The following IPCEF1 variants were observed in gnomAD, a reference collection of about 807,000 sequenced individuals.
IPCEF1 encodes interactor protein for cytohesin exchange factors 1.
In IPCEF1, 31 loss-of-function variants were observed where a neutral mutation model predicts 50.9. The ratio of observed to expected loss-of-function variants is 0.61; its 90% confidence interval spans 0.46 to 0.82. The LOEUF is 0.82. IPCEF1 is among the 40% of genes least tolerant of loss of function. The pLI, the probability that IPCEF1 is intolerant of heterozygous loss-of-function variation, is 0.00. For synonymous variants in IPCEF1, 181 were observed against 192.0 expected, an observed-to-expected ratio of 0.94 and a Z score of 0.47; for missense variants, 458 against 514.0, an observed-to-expected ratio of 0.89 and a Z score of 1.05.
intron 3 of IPCEF1, among the ~76,000 whole-genome samples, chr6:154,254,018 C>A (rs190430435): frequency 6.6e-6 from 1 of 151,890 alleles, no homozygotes; most frequent in African/African-American, 2.4e-5. Flanking sequence ...TTACTTGTAT[C>A]GCCTTGTTTT....
At chr6:154,214,503 A>C (rs1778227915) in intron 7 of IPCEF1, among the ~76,000 whole-genome samples, 1 of 152,236 alleles carries the variant, frequency 6.6e-6, no homozygotes, top group Non-Finnish European at 1.5e-5. Flanking sequence ...CCCATTACTC[A>C]GTTGGTTCAT....
Position 154,220,455 on chromosome 6 carries a change from G to A in IPCEF1, c.392+802C>T, listed in dbSNP as rs567436011. Among the ~76,000 whole-genome samples the A allele has an allele frequency of 4.6e-5, 7 of 152,182 alleles. No homozygotes were observed. In the East Asian group the frequency reaches 5.8e-4, roughly 13 times the overall value. On this transcript the variant is annotated intron_variant, in intron 7 of 11. Coordinates refer to ENST00000367220, the MANE Select transcript of IPCEF1 (RefSeq NM_001130700.2). ...GTGGATCACTTGAGGTCAGGAGTTCGAGACCAGCCTGGCCAACATGGTGAA... is the reference window on the plus strand; with the variant it reads ...GTGGATCACTTGAGGTCAGGAGTTCAAGACCAGCCTGGCCAACATGGTGAA...
chr6:154,267,418 A>G (rs929778589), intron 2 of IPCEF1, among the ~76,000 whole-genome samples: 3 of 152,188 alleles, frequency 2.0e-5, no homozygotes, highest in Non-Finnish European at 2.9e-5. Context: ...ATGGAAGTCA[A>G]TTTGGGTGGA....
chr6:154,212,094 T>C (rs1057123022), intron 9 of IPCEF1, among the ~76,000 whole-genome samples: 15 of 152,232 alleles, frequency 9.9e-5, no homozygotes, highest in African/African-American at 3.6e-4. Context: ...TCCTAGTACA[T>C]GGTAGGTATA....
chr6:154,329,248 A>G (rs975471412), intron 1 of IPCEF1, among the ~76,000 whole-genome samples: 3 of 152,042 alleles, frequency 2.0e-5, no homozygotes, highest in African/African-American at 4.8e-5. Flanking sequence ...CCTGTCTCTA[A>G]GAATTTTTTT....
rs116918340 is a variant in IPCEF1 at position 154,251,402 on chromosome 6, A to G, written c.37-3914T>C. ...CCATCTCTTATTTTAAAAAACCACA[A>G]TGACAGCTAAAACATATGAATAAAG... On this transcript the variant is annotated intron_variant, in intron 3 of 11. Transcript: ENST00000367220. Among the ~76,000 whole-genome samples, 755 of 152,302 alleles carry G rather than the reference A, an allele frequency of 5.0e-3. 5 individuals carry two copies. Among genetic ancestry groups the G allele is most frequent in the Middle Eastern group, 0.017 (5 of 294 alleles).
chr6:154,303,576 A>G (rs2128676375), intron 1 of IPCEF1, among the ~76,000 whole-genome samples: 1 of 152,312 alleles, frequency 6.6e-6, no homozygotes, highest in Middle Eastern at 3.4e-3. Flanking sequence ...AACTAACACA[A>G]AAAGAGAATG....
chr6:154,319,763 T>C (rs916396408), intron 1 of IPCEF1, among the ~76,000 whole-genome samples: 2 of 152,240 alleles, frequency 1.3e-5, no homozygotes, highest in Non-Finnish European at 2.9e-5. Context: ...AAGATCGTGT[T>C]TGAATGCACT....
chr6:154,200,437 G>A (rs1381927127), intron 9 of IPCEF1, among the ~76,000 whole-genome samples: 1 of 152,170 alleles, frequency 6.6e-6, no homozygotes, highest in Non-Finnish European at 1.5e-5. Flanking sequence ...TGAAAAAGGA[G>A]AGGCTGGGTG....
chr6:154,313,742 G>C (rs189205406), intron 1 of IPCEF1, among the ~76,000 whole-genome samples: 1 of 151,772 alleles, frequency 6.6e-6, no homozygotes, highest in African/African-American at 2.4e-5. Flanking sequence ...TCTTTTTTTT[G>C]TTTTGTTTTT....
intron 10 of IPCEF1, among the ~76,000 whole-genome samples, chr6:154,172,152 A>G (rs1185278679): frequency 1.3e-5 from 2 of 152,260 alleles, no homozygotes; most frequent in African/African-American, 4.8e-5. Flanking sequence ...ATGTCACAGT[A>G]AAAATTATTA....
chr6:154,220,825 G>A (rs1173028752), intron 7 of IPCEF1, among the ~76,000 whole-genome samples: 1 of 152,190 alleles, frequency 6.6e-6, no homozygotes, highest in Non-Finnish European at 1.5e-5. Context: ...TTTGCAATAT[G>A]TTCAGGACAA....
intron 5 of IPCEF1, among the ~76,000 whole-genome samples, chr6:154,241,332 G>C (rs1780575853): frequency 6.6e-6 from 1 of 151,484 alleles, no homozygotes; most frequent in African/African-American, 2.4e-5. Flanking sequence ...CCTTGAACTG[G>C]TGATGCAATG....
At chr6:154,231,260 A>G (rs895560630) in intron 5 of IPCEF1, among the ~76,000 whole-genome samples, 4 of 152,260 alleles carry the variant, frequency 2.6e-5, no homozygotes, top group African/African-American at 7.2e-5. Flanking sequence ...AATTCACTGT[A>G]AAAGTTCTAG....
intron 2 of IPCEF1, among the ~76,000 whole-genome samples, chr6:154,283,250 C>T (rs1782269459): frequency 7.8e-6 from 1 of 128,816 alleles, no homozygotes; most frequent in African/African-American, 3.0e-5. Context: ...CGAGATCACG[C>T]ACTGCACTCC....
chr6:154,288,251 T>C (rs1782412207), intron 2 of IPCEF1, among the ~76,000 whole-genome samples: 1 of 152,168 alleles, frequency 6.6e-6, no homozygotes, highest in Non-Finnish European at 1.5e-5. Flanking sequence ...AGGACAATAG[T>C]GATTATTGTC....
At chr6:154,257,394 C>T (rs1781488924) in intron 3 of IPCEF1, among the ~76,000 whole-genome samples, 1 of 152,204 alleles carries the variant, frequency 6.6e-6, no homozygotes, top group Non-Finnish European at 1.5e-5. Flanking sequence ...AGACCAGGTG[C>T]CTATCCAGCT....
chr6:154,309,731 C>T (rs554141085), intron 1 of IPCEF1, among the ~76,000 whole-genome samples: 19 of 151,764 alleles, frequency 1.3e-4, no homozygotes, highest in African/African-American at 2.9e-4. Context: ...AAATTCTTTC[C>T]GCTAAAGCTA....
intron 5 of IPCEF1, among the ~76,000 whole-genome samples, chr6:154,245,688 A>G (rs933837278): frequency 3.3e-5 from 5 of 152,122 alleles, no homozygotes; most frequent in African/African-American, 1.2e-4. Flanking sequence ...CTTTTCCCTT[A>G]ATTGACTAAA....
Sources: gnomAD v4.1 joint callset for allele counts (sites outside exome capture counted in the v4.1 genomes callset) on GRCh38, gnomAD v4.1.1 for gene constraint, MANE v1.5 for transcripts, NCBI Gene and HGNC (gene_info 2026-07-23, HGNC 2026-07-21) for gene names.